The following DNAH9 variants were observed in gnomAD, a reference collection of about 807,000 sequenced individuals.
DNAH9 encodes the protein DNAH9 variant protein.
DNAH9 carries 345 observed loss-of-function variants against 471.6 expected under a neutral mutation model. The observed-to-expected ratio is 0.73, with a 90% CI of 0.67 to 0.80. The LOEUF is 0.80. DNAH9 is among the 30% of genes least tolerant of loss of function. DNAH9 has a pLI of 0.00. For synonymous variants in DNAH9, 2,093 were observed against 2,123.6 expected (o/e 0.99, Z 0.40); for missense variants, 5,407 against 5,609.2 (o/e 0.96, Z 1.15).
At chr17:11,858,874 A>G (rs984794641) in intron 50 of DNAH9, among the ~76,000 whole-genome samples, 1 of 152,082 alleles carries the variant, frequency 6.6e-6, no homozygotes, top group African/African-American at 2.4e-5. Context: ...ACCTGAGGTT[A>G]GAAGTTCGAG....
At chr17:11,800,350 G>T (rs1053727833) in intron 43 of DNAH9, among the ~76,000 whole-genome samples, 3 of 148,498 alleles carry the variant, frequency 2.0e-5, no homozygotes, top group African/African-American at 2.5e-5. Context: ...TTCACCTCTC[G>T]CTGTAATTAT....
intron 17 of DNAH9, among the ~76,000 whole-genome samples, chr17:11,678,517 T>C (rs2074084035): frequency 6.6e-6 from 1 of 152,244 alleles, no homozygotes; most frequent in East Asian, 1.9e-4. Context: ...ATAAATTCTC[T>C]TTGATTATTG....
chr17:11,805,456 A>G lies in DNAH9; in HGVS notation c.8421-2276A>G, dbSNP rs1969631097. Among the ~76,000 whole-genome samples the G allele has an allele frequency of 2.1e-5, 3 of 141,774 alleles. No homozygotes were observed. In the South Asian group the frequency reaches 7.5e-4, roughly 36 times the overall value. 93.0% of individuals were successfully genotyped at this position (141,774 alleles called of 152,430 possible). ...TCATTAACACAGACAGGAGCACAGGATTGTAGCCCATGCAATTCAATCTCA... is the reference window on the plus strand; with the variant it reads ...TCATTAACACAGACAGGAGCACAGGGTTGTAGCCCATGCAATTCAATCTCA... On this transcript the variant is annotated intron_variant, in intron 43 of 68. Coordinates refer to ENST00000262442, the MANE Select transcript of DNAH9 (RefSeq NM_001372.4).
At chr17:11,799,013 G>A (rs754378481) in intron 43 of DNAH9, among the ~76,000 whole-genome samples, 4 of 152,058 alleles carry the variant, frequency 2.6e-5, no homozygotes, top group South Asian at 2.1e-4. Context: ...CCCATCATCC[G>A]CTAATGGCCT....
At chr17:11,843,200 T>A (rs1971089440) in intron 49 of DNAH9, among the ~76,000 whole-genome samples, 1 of 152,134 alleles carries the variant, frequency 6.6e-6, no homozygotes, top group Admixed American at 6.6e-5. Context: ...CAATAATAAA[T>A]TTAAAATACT....
rs145471290 is a variant in DNAH9, at chr17:11,799,863, G to A, written c.8420+2070G>A. Among the ~76,000 whole-genome samples the A allele has an allele frequency of 9.6e-3, 1,457 of 152,268 alleles. 23 individuals are homozygous for A. Among genetic ancestry groups the A allele is most frequent in the African/African-American group, 0.034 (1,392 of 41,540 alleles). ...GACTCCCAAAGTGCTGGGATTACAGGCCTGAGCCACTGCGCCCAGCCCCCA... is the reference window on the plus strand; with the variant it reads ...GACTCCCAAAGTGCTGGGATTACAGACCTGAGCCACTGCGCCCAGCCCCCA... On this transcript the variant is annotated intron_variant, in intron 43 of 68. Coordinates refer to ENST00000262442, the MANE Select transcript of DNAH9 (RefSeq NM_001372.4).
chr17:11,906,375 C>T (rs907228016), intron 61 of DNAH9, among the ~76,000 whole-genome samples: 8 of 151,952 alleles, frequency 5.3e-5, no homozygotes, highest in Non-Finnish European at 1.0e-4. Context: ...ACCTGTAATC[C>T]CAGCACTTTG....
intron 49 of DNAH9, among the ~76,000 whole-genome samples, chr17:11,851,826 T>A (rs1285458402): frequency 1.4e-5 from 2 of 143,792 alleles, no homozygotes; most frequent in East Asian, 4.0e-4. Flanking sequence ...ATGATTAATT[T>A]ATAGATATAT....
intron 32 of DNAH9, among the ~76,000 whole-genome samples, chr17:11,751,388 A>G (rs1439260378): frequency 1.3e-5 from 2 of 152,064 alleles, no homozygotes; most frequent in African/African-American, 4.8e-5. Flanking sequence ...ATCAAACAGT[A>G]TCTCAAAAAT....
intron 32 of DNAH9, among the ~76,000 whole-genome samples, chr17:11,750,976 G>C (rs890503725): frequency 6.6e-6 from 1 of 152,036 alleles, no homozygotes; most frequent in South Asian, 2.1e-4. Context: ...TTGGTTCGCT[G>C]TAAAGACCAA....
chr17:11,702,920 G>A (rs982457408), intron 24 of DNAH9, among the ~76,000 whole-genome samples: 2 of 151,928 alleles, frequency 1.3e-5, no homozygotes, highest in African/African-American at 4.8e-5. Flanking sequence ...GTGAAACCCC[G>A]TCTCTACTAA....
At chr17:11,819,443 A>T (rs1036602570) in intron 45 of DNAH9, among the ~76,000 whole-genome samples, 6 of 151,808 alleles carry the variant, frequency 4.0e-5, no homozygotes, top group African/African-American at 7.3e-5. Context: ...TTTGAGACGA[A>T]GTCTTGCTCT....
intron 40 of DNAH9, 146 bp from the exon 41 acceptor site, chr17:11,784,154 C>A: frequency 7.9e-7 from 1 of 1,259,264 alleles, no homozygotes; most frequent in Non-Finnish European, 1.1e-6. Flanking sequence ...TTAGGTTCAA[C>A]CTAAATTTGG....
intron 45 of DNAH9, among the ~76,000 whole-genome samples, chr17:11,819,288 C>G (rs1034825021): frequency 2.0e-5 from 3 of 152,118 alleles, no homozygotes; most frequent in Admixed American, 2.0e-4. Flanking sequence ...TCACCGCTTT[C>G]CCAAAAATGC....
In DNAH9 at chr17:11,933,827, C is replaced by T. The variant is rs532318127; in HGVS notation, c.12298-53C>T. 3,768 of 1,543,428 alleles carry T rather than the reference C, an allele frequency of 2.4e-3. 12 individuals carry two copies. The highest frequency in any genetic ancestry group is 2.9e-3 in the Non-Finnish European group (3,283 of 1,135,792). On this transcript the variant is annotated intron_variant, in intron 64 of 68. Transcript: ENST00000262442. Reference sequence around the variant, plus strand: ...TGCCCAGATGGGAGGCCAGCCCCGACGCCTGTGTGGAGGTCTTTCTTCCTT... The same window carrying T: ...TGCCCAGATGGGAGGCCAGCCCCGATGCCTGTGTGGAGGTCTTTCTTCCTT...
chr17:11,913,500 T>G (rs756104676), intron 61 of DNAH9, among the ~76,000 whole-genome samples: 1 of 152,054 alleles, frequency 6.6e-6, no homozygotes, highest in Non-Finnish European at 1.5e-5. Context: ...AACAATTTAT[T>G]GTCCGGGCAC....
At chr17:11,961,801 G>A (rs968892632) in intron 67 of DNAH9, 66 bp from the exon 68 acceptor site, 3 of 1,523,864 alleles carry the variant, frequency 2.0e-6, no homozygotes, top group Non-Finnish European at 2.6e-6. Context: ...AGGGGTCTCT[G>A]AGGCCAGGTG....
intron 28 of DNAH9, 125 bp downstream of exon 28, chr17:11,728,047 C>G (rs998734394): frequency 1.5e-6 from 1 of 657,264 alleles, no homozygotes. Flanking sequence ...TTTCATGCCC[C>G]TTTCTCCATC....
At chr17:11,682,012 A>G (rs2074141306) in intron 19 of DNAH9, among the ~76,000 whole-genome samples, 3 of 152,200 alleles carry the variant, frequency 2.0e-5, no homozygotes, top group Admixed American at 6.5e-5. Flanking sequence ...GAAAGTGTGT[A>G]GCACTGTGTC....
Sources: allele counts gnomAD v4.1 joint callset (sites outside exome capture counted in the v4.1 genomes callset), GRCh38; gene constraint gnomAD v4.1.1; transcripts MANE v1.5; gene names NCBI Gene and HGNC (gene_info 2026-07-23, HGNC 2026-07-21).